ADAMTS12: variants seen among roughly 807,000 people sequenced by gnomAD.
ADAMTS12 encodes the protein ADAM metallopeptidase with thrombospondin type 1 motif 12.
Under a neutral mutation model 167.8 loss-of-function variants are expected in ADAMTS12, and 118 were observed. The observed-to-expected ratio is 0.70, with a 90% CI of 0.61 to 0.82. The LOEUF (loss-of-function observed/expected upper bound fraction) is 0.82. Ranked by LOEUF, ADAMTS12 falls within the 40% of genes least tolerant of loss-of-function variation. The pLI is 0.00. For missense variants in ADAMTS12, 1,916 were observed against 1,998.8 expected, an observed-to-expected ratio of 0.96 and a Z score of 0.79; for synonymous variants, 704 against 716.9, an observed-to-expected ratio of 0.98 and a Z score of 0.29.
chr5:33,631,694 T>C (rs1739942408), intron 12 of ADAMTS12, among the ~76,000 whole-genome samples: 1 of 152,238 alleles, frequency 6.6e-6, no homozygotes, highest in African/African-American at 2.4e-5. Context: ...ACAGATTGCC[T>C]TAAAAATTTT....
chr5:33,834,512 A>G (rs1748433005), intron 2 of ADAMTS12, among the ~76,000 whole-genome samples: 1 of 152,162 alleles, frequency 6.6e-6, no homozygotes, highest in Non-Finnish European at 1.5e-5. Context: ...GGCATGTGTT[A>G]GGGAAAAACC....
intron 20 of ADAMTS12, among the ~76,000 whole-genome samples, chr5:33,554,422 A>G (rs1405006481): frequency 6.6e-6 from 1 of 152,018 alleles, no homozygotes; most frequent in African/African-American, 2.4e-5. Context: ...TTTAATTGCC[A>G]CTCCTCCAAC....
Position 33,891,763 on chromosome 5 carries a change from G to A in ADAMTS12, c.94C>T (p.Pro32Ser), listed in dbSNP as rs1580032290. Residue 32 changes from proline to serine, a missense_variant, in exon 1 of 24, where the codon CCA (proline) becomes TCA (serine). Coordinates refer to ENST00000504830, the MANE Select transcript of ADAMTS12 (RefSeq NM_030955.4). Reference protein sequence around the residue: ...GALCYGRQPQPGPVRFPDRRQ... With the variant: ...GALCYGRQPQSGPVRFPDRRQ... Reference sequence around the variant, plus strand: ...CTGTCCGGGAAGCGAACCGGGCCTGGCTGAGGCTGTCTCCCATAGCAAAGC... The same window carrying A: ...CTGTCCGGGAAGCGAACCGGGCCTGACTGAGGCTGTCTCCCATAGCAAAGC... 6.2e-7 allele frequency: 1 copy of A among 1,614,224 alleles called. No homozygotes were observed. The highest frequency in any genetic ancestry group is 8.5e-7 in the Non-Finnish European group (1 of 1,180,036).
chr5:33,696,353 A>G (rs971886203), intron 3 of ADAMTS12, among the ~76,000 whole-genome samples: 10 of 150,844 alleles, frequency 6.6e-5, no homozygotes, highest in South Asian at 2.1e-4. Flanking sequence ...CCCGGGAGGC[A>G]GAGCTTGCAG....
At position 33,546,229 on chromosome 5, in the gene ADAMTS12, G is replaced by A. The variant is rs747820756; in HGVS notation, c.4303-27C>T. The A allele has an allele frequency of 3.1e-6, 5 of 1,591,198 alleles. No individual in the cohort carries two copies. The South Asian group carries it at 5.8e-5, about 18-fold the overall frequency. On this transcript the variant is annotated intron_variant, in intron 21 of 23. Coordinates refer to ENST00000504830, the MANE Select transcript of ADAMTS12 (RefSeq NM_030955.4). ...TGATACACAGCAGTGACAAGATTAG[G>A]TAAAAGTCAGGTGGAGACATGTTTA...
At position 33,658,161 on chromosome 5, in the gene ADAMTS12, C is replaced by T. The variant is rs200578229; in HGVS notation, c.1190+23G>A. 51 of 1,611,866 alleles carry T rather than the reference C, an allele frequency of 3.2e-5. No individual in the cohort carries two copies. In the East Asian group the frequency reaches 6.2e-4, roughly 20 times the overall value. ...TTGACACATGAATATGGTGAGCAAA[C>T]CTCCCTATCATTGGCCCTTTACCTG... On this transcript the variant is annotated intron_variant, in intron 7 of 23. Transcript: ENST00000504830.
At chr5:33,874,273 C>T (rs1055892997) in intron 2 of ADAMTS12, among the ~76,000 whole-genome samples, 12 of 152,312 alleles carry the variant, frequency 7.9e-5, no homozygotes, top group Admixed American at 7.8e-4. Flanking sequence ...AAGACCTTAA[C>T]AGGAACCTCA....
In ADAMTS12 at chr5:33,637,731, C is replaced by G. The variant is rs1740262997; in HGVS notation, c.1734G>C (p.Gly578=). Residue 578 remains glycine, a synonymous_variant, in exon 12 of 24, where the codon GGG becomes GGC. Coordinates refer to ENST00000504830, the MANE Select transcript of ADAMTS12 (RefSeq NM_030955.4). The part of the protein sequence containing the change: ...LCNNPEPKFG[G]KYCTGERKRY... ...GTTTTCTTTCTCCAGTGCAATATTT[C>G]CCTCCAAACTTTGGCCTGCAAATGA... 8 of 1,612,910 alleles carry G rather than the reference C, an allele frequency of 5.0e-6. No homozygotes were observed. The highest frequency in any genetic ancestry group is 1.7e-5 in the Admixed American group (1 of 59,906).
At chr5:33,550,158 C>T (rs1238439297) in intron 20 of ADAMTS12, among the ~76,000 whole-genome samples, 4 of 152,162 alleles carry the variant, frequency 2.6e-5, no homozygotes, top group African/African-American at 9.7e-5. Context: ...GCTGATTTCC[C>T]TTGGACCGTG....
At chr5:33,688,520 T>G (rs1225836151) in intron 3 of ADAMTS12, among the ~76,000 whole-genome samples, 1 of 152,178 alleles carries the variant, frequency 6.6e-6, no homozygotes, top group Non-Finnish European at 1.5e-5. Flanking sequence ...CAGGCAGCTC[T>G]TCACAAAGCT....
At chr5:33,658,381 A>G (rs778344151) in intron 6 of ADAMTS12, 48 bp from the exon 7 acceptor site, 1 of 1,598,438 alleles carries the variant, frequency 6.3e-7, no homozygotes, top group Non-Finnish European at 8.5e-7. Flanking sequence ...GAACATCTGG[A>G]AAAACCTCCT....
intron 3 of ADAMTS12, among the ~76,000 whole-genome samples, chr5:33,686,833 C>T (rs78951645): frequency 0.023 from 3,361 of 148,628 alleles, 121 homozygotes; most frequent in African/African-American, 0.078. Context: ...TATATATCTT[C>T]CTGCTGTGTC....
chr5:33,726,535 G>A (rs1201325064), intron 3 of ADAMTS12, among the ~76,000 whole-genome samples: 2 of 152,238 alleles, frequency 1.3e-5, no homozygotes, highest in South Asian at 2.1e-4. Flanking sequence ...CCTGTCTCAT[G>A]GTCAGAGGAC....
rs1252323820 is a variant in ADAMTS12 at position 33,525,518 on chromosome 5, A to G, written c.*1670T>C. ...ACTGGCATTGGTCAGCAACACCGTT[A>G]CATGTTTAACAGAAGATGTATATGG... is the stretch of plus-strand genomic sequence containing the variant. On this transcript the variant is annotated 3_prime_UTR_variant, in exon 24 of 24. Transcript: ENST00000504830. 2 of 152,250 alleles carry G rather than the reference A, an allele frequency of 1.3e-5. No homozygotes were observed. Among genetic ancestry groups the G allele is most frequent in the Non-Finnish European group, 2.9e-5 (2 of 68,042 alleles). The allele number at this position is 152,250 out of a possible 1,614,324, so 9.4% of individuals were successfully genotyped here.
chr5:33,755,714 A>G (rs1745143769), intron 2 of ADAMTS12, among the ~76,000 whole-genome samples: 1 of 152,228 alleles, frequency 6.6e-6, no homozygotes, highest in African/African-American at 2.4e-5. Context: ...AGTGTAAAAG[A>G]CACATGAAGG....
At chr5:33,584,065 C>A (rs554536793) in intron 18 of ADAMTS12, among the ~76,000 whole-genome samples, 1 of 152,124 alleles carries the variant, frequency 6.6e-6, no homozygotes, top group Non-Finnish European at 1.5e-5. Context: ...TCAGAGTAGA[C>A]GCTGTGCTGC....
rs982727353 is a variant in ADAMTS12 at position 33,875,901 on chromosome 5, A to T, written c.489+5218T>A. ...TGGCAAATGACATTATTGTATACAT[A>T]GGAAATCCCAAAGAATCTTCTAAAA... On this transcript the variant is annotated intron_variant, in intron 2 of 23. Transcript: ENST00000504830. Among the ~76,000 whole-genome samples, 8 of 152,204 alleles carry T rather than the reference A, an allele frequency of 5.3e-5. No individual in the cohort carries two copies. In the East Asian group the frequency reaches 1.5e-3, roughly 29 times the overall value.
At chr5:33,627,968 A>G (rs1739739395) in intron 13 of ADAMTS12, among the ~76,000 whole-genome samples, 1 of 152,136 alleles carries the variant, frequency 6.6e-6, no homozygotes, top group African/African-American at 2.4e-5. Flanking sequence ...ATAACGTTGA[A>G]TTTTTATTTT....
intron 2 of ADAMTS12, among the ~76,000 whole-genome samples, chr5:33,804,540 A>C (rs1358601323): frequency 6.6e-6 from 1 of 152,234 alleles, no homozygotes; most frequent in African/African-American, 2.4e-5. Context: ...TGGCTGTTTA[A>C]AGCCACTGAG....
Sources: gnomAD v4.1 joint callset for allele counts (sites outside exome capture counted in the v4.1 genomes callset) on GRCh38, gnomAD v4.1.1 for gene constraint, MANE v1.5 for transcripts, NCBI Gene and HGNC (gene_info 2026-07-23, HGNC 2026-07-21) for gene names.